Variants in ACSM3 observed in about 807,000 individuals in gnomAD.
The protein encoded by ACSM3 is acyl-CoA synthetase medium chain family member 3.
Under a neutral mutation model 74.1 loss-of-function variants are expected in ACSM3, and 61 were observed. That is an observed-to-expected ratio of 0.82 (90% confidence interval 0.67 to 1.02). ACSM3 has a LOEUF of 1.02. Ranked by LOEUF, ACSM3 falls within the 50% of genes least tolerant of loss-of-function variation. The pLI, the probability that ACSM3 is intolerant of heterozygous loss-of-function variation, is 0.00. For synonymous variants in ACSM3, 213 were observed against 241.5 expected, an observed-to-expected ratio of 0.88 and a Z score of 1.09; for missense variants, 660 against 697.0, an observed-to-expected ratio of 0.95 and a Z score of 0.60.
At chr16:20,767,747 G>C (rs1249324310) in intron 1 of ACSM3, among the ~76,000 whole-genome samples, 2 of 152,138 alleles carry the variant, frequency 1.3e-5, no homozygotes, top group Non-Finnish European at 2.9e-5. Flanking sequence ...CCCTGCTCTG[G>C]TAGAACTTAC....
chr16:20,684,927 G>T (rs2079518933), intron 1 of ACSM3, among the ~76,000 whole-genome samples: 1 of 152,074 alleles, frequency 6.6e-6, no homozygotes, highest in Non-Finnish European at 1.5e-5. Flanking sequence ...GTGAGGGAGA[G>T]AATAAGAGAA....
chr16:20,754,291 C>T (rs2080012104), intron 2 of ACSM3, among the ~76,000 whole-genome samples: 1 of 152,038 alleles, frequency 6.6e-6, no homozygotes. Flanking sequence ...TGAGAACGGC[C>T]CACATGAATA....
At chr16:20,696,543 T>A (rs2079690850) in intron 1 of ACSM3, among the ~76,000 whole-genome samples, 1 of 152,262 alleles carries the variant, frequency 6.6e-6, no homozygotes, top group South Asian at 2.1e-4. Flanking sequence ...TTACTATAGA[T>A]GTACCATGTA....
intron 1 of ACSM3, among the ~76,000 whole-genome samples, chr16:20,730,108 G>A (rs2079821432): frequency 6.6e-6 from 1 of 152,172 alleles, no homozygotes; most frequent in Non-Finnish European, 1.5e-5. Flanking sequence ...TGATCGGCCA[G>A]ACTTGGATCA....
rs779553526 is a variant in ACSM3, at chr16:20,790,683, T to C, written c.1321T>C (p.Tyr441His). Residue 441 changes from tyrosine to histidine, a missense_variant, in exon 10 of 14, where the codon TAC (tyrosine) becomes CAC (histidine). By Grantham distance (83) the Tyr-to-His change is moderately conservative. Transcript: ENST00000289416. This position sits in a 1 kb window ranked among gnomAD's most constrained non-coding sequence, Gnocchi z 4.0. ...CCGACCATTTGGCCTTTTTACTCAT[T>C]ACGTAGTAAGTGACTTACTAAATAA... ...PNRPFGLFTH[Y>H]VDNPSKTAST... The C allele has an allele frequency of 6.2e-7, 1 of 1,614,082 alleles. No homozygotes were observed. Among genetic ancestry groups the C allele is most frequent in the Non-Finnish European group, 8.5e-7 (1 of 1,179,980 alleles).
Position 20,790,587 on chromosome 16 carries a change from A to C in ACSM3, c.1225A>C (p.Ile409Leu), listed in dbSNP as rs2152484973. The C allele has an allele frequency of 6.2e-7, 1 of 1,612,960 alleles. No individual in the cohort carries two copies. Among genetic ancestry groups the C allele is most frequent in the East Asian group, 2.2e-5 (1 of 44,866 alleles). ...AATAAATTGTTCTATTTTATCCTAG[A>C]TTGTAGATGTAAATGGCAATGTTCT... The part of the protein sequence containing the change: ...GKPSPAFDVK[I>L]VDVNGNVLPP... Residue 409 changes from isoleucine (I) to leucine (L), a missense_variant and splice_region_variant, in exon 10 of 14, where the codon ATT becomes CTT. Physicochemically the swap from Ile to Leu is conservative, Grantham distance 5. Coordinates refer to ENST00000289416, the MANE Select transcript of ACSM3 (RefSeq NM_005622.4). This position sits in a 1 kb window ranked among gnomAD's most constrained non-coding sequence, Gnocchi z 4.0.
intron 2 of ACSM3, among the ~76,000 whole-genome samples, chr16:20,750,379 G>A (rs1302403597): frequency 6.6e-6 from 1 of 152,130 alleles, no homozygotes; most frequent in Non-Finnish European, 1.5e-5. Context: ...TGAGGGTGAG[G>A]CTATTGAAAT....
rs1596522534 is a variant in ACSM3 at position 20,780,835 on chromosome 16, T to G, written c.760T>G (p.Leu254Val). The G allele has an allele frequency of 1.2e-6, 2 of 1,614,182 alleles. No individual in the cohort carries two copies. The highest frequency in any genetic ancestry group is 2.7e-5 in the African/African-American group (2 of 75,048). The change falls in exon 5 of 14, where the codon TTA (leucine) becomes GTA (valine). Residue 254 changes from leucine to valine, a missense_variant. Coordinates refer to ENST00000289416, the MANE Select transcript of ACSM3 (RefSeq NM_005622.4). ...TGCACACACCCACAGCAGTTTTGGT[T>G]TAGGATTATCTGTAAATGGAAGGTA... ...MTAHTHSSFG[L>V]GLSVNGRFWL...
chr16:20,773,108 A>G (rs1297904783), intron 2 of ACSM3, among the ~76,000 whole-genome samples: 1 of 152,018 alleles, frequency 6.6e-6, no homozygotes, highest in Non-Finnish European at 1.5e-5. Context: ...TTGGTAGGTT[A>G]TGTGTGTCCA....
At chr16:20,740,166 G>A (rs1315940904) in intron 1 of ACSM3, among the ~76,000 whole-genome samples, 1 of 152,180 alleles carries the variant, frequency 6.6e-6, no homozygotes, top group African/African-American at 2.4e-5. Flanking sequence ...GCAGAGGTGG[G>A]CGGATCCCTT....
chr16:20,767,164 G>A (rs1251521297), intron 1 of ACSM3, among the ~76,000 whole-genome samples: 1 of 152,114 alleles, frequency 6.6e-6, no homozygotes, highest in Non-Finnish European at 1.5e-5. Context: ...AAGGAAACCT[G>A]ATGCTAATTC....
At chr16:20,776,416 A>G (rs533568607) in intron 3 of ACSM3, among the ~76,000 whole-genome samples, 2 of 152,344 alleles carry the variant, frequency 1.3e-5, no homozygotes, top group South Asian at 2.1e-4. Context: ...AATGCCAGAC[A>G]TGTGTTCCCC....
chr16:20,691,504 C>T (rs1160111992), intron 1 of ACSM3, among the ~76,000 whole-genome samples: 1 of 152,060 alleles, frequency 6.6e-6, no homozygotes, highest in Non-Finnish European at 1.5e-5. Context: ...AAGATGTCAG[C>T]CCAGGATGGA....
intron 1 of ACSM3, among the ~76,000 whole-genome samples, chr16:20,713,547 T>C (rs890485292): frequency 6.6e-6 from 1 of 152,198 alleles, no homozygotes; most frequent in Non-Finnish European, 1.5e-5. Flanking sequence ...TGGAACCCTG[T>C]CTAGAAAACA....
At position 20,685,520 on chromosome 16, in the gene ACSM3, C is replaced by A. The variant is rs1454000046; in HGVS notation, c.-190+10698C>A. The A allele has an allele frequency of 1.1e-5, 11 of 983,408 alleles. No homozygotes were observed. In the East Asian group the frequency reaches 2.2e-4, roughly 19 times the overall value. The allele number at this position is 983,408 out of a possible 1,614,324, so 60.9% of individuals were successfully genotyped here. A position where few individuals can be genotyped will look rare whatever the true frequency, so the allele number is the denominator to read the frequency against. On this transcript the variant is annotated intron_variant, in intron 1 of 3. Transcript: ENST00000561584. ...TGAACACAGCTTAAGGACTGAGATC[C>A]CATTTTAAAACATTTATACAGCCAG...
intron 2 of ACSM3, among the ~76,000 whole-genome samples, chr16:20,770,845 G>C (rs1039937440): frequency 1.3e-5 from 2 of 151,964 alleles, no homozygotes; most frequent in Admixed American, 1.3e-4. Flanking sequence ...AGGGTAATTA[G>C]GCTACCCATC....
At chr16:20,715,732 A>T (rs577551243) in intron 1 of ACSM3, among the ~76,000 whole-genome samples, 23 of 152,360 alleles carry the variant, frequency 1.5e-4, no homozygotes, top group Admixed American at 3.9e-4. Flanking sequence ...AGAAATTAAG[A>T]CTACGATACA....
At chr16:20,691,785 GTGTGT>G (rs1432710685) in intron 1 of ACSM3, among the ~76,000 whole-genome samples, 2 of 150,692 alleles carry the variant, frequency 1.3e-5, no homozygotes, top group Admixed American at 6.6e-5. Context: ...GTGTGTGTGT[GTGTGT>G]GTGTGTGTGT....
intron 1 of ACSM3, chr16:20,737,431 T>C: frequency 2.2e-6 from 2 of 889,644 alleles, no homozygotes; most frequent in Non-Finnish European, 3.2e-6. Context: ...TCTGAACCCT[T>C]ACAATAAATA....
Sources: gnomAD v4.1 joint callset for allele counts (sites outside exome capture counted in the v4.1 genomes callset) on GRCh38, gnomAD v4.1.1 for gene constraint, Gnocchi (gnomAD v3.1) non-coding constraint, MANE v1.5 for transcripts, NCBI Gene and HGNC (gene_info 2026-07-23, HGNC 2026-07-21) for gene names.